Variants in KCNAB1 observed in about 807,000 individuals in gnomAD.
KCNAB1 encodes potassium voltage-gated channel subfamily A regulatory beta subunit 1.
KCNAB1 carries 35 observed loss-of-function variants against 64.6 expected under a neutral mutation model. The observed-to-expected ratio is 0.54, with a 90% CI of 0.41 to 0.72. The LOEUF (loss-of-function observed/expected upper bound fraction) is 0.72. Among genes scored for constraint, KCNAB1 ranks in the 30% least tolerant of loss-of-function variants. The probability of loss-of-function intolerance (pLI) is 0.00; values close to 1 mark genes in which losing one functional copy is unlikely to be tolerated. For missense variants in KCNAB1, 401 were observed against 512.9 expected, an observed-to-expected ratio of 0.78 and a Z score of 2.11; for synonymous variants, 177 against 183.8, an observed-to-expected ratio of 0.96 and a Z score of 0.30.
chr3:156,509,553 G>A (rs1717051939), intron 8 of KCNAB1, among the ~76,000 whole-genome samples: 1 of 152,134 alleles, frequency 6.6e-6, no homozygotes, highest in Admixed American at 6.5e-5. Context: ...TAATATAATA[G>A]AATTTCAGTG....
intron 1 of KCNAB1, among the ~76,000 whole-genome samples, chr3:156,319,642 A>G (rs1438334611): frequency 6.6e-6 from 1 of 152,178 alleles, no homozygotes; most frequent in Non-Finnish European, 1.5e-5. Context: ...GCCCTGTGAA[A>G]AGACACTATT....
At chr3:156,358,266 T>A (rs943723921) in intron 1 of KCNAB1, among the ~76,000 whole-genome samples, 2 of 152,214 alleles carry the variant, frequency 1.3e-5, no homozygotes, top group Admixed American at 1.3e-4. Context: ...GTATCATCCC[T>A]CCACTTGAAA....
intron 1 of KCNAB1, among the ~76,000 whole-genome samples, chr3:156,249,853 T>C (rs1432364028): frequency 6.6e-6 from 1 of 152,164 alleles, no homozygotes; most frequent in African/African-American, 2.4e-5. Context: ...CTCCACACTA[T>C]GGAAAGGGGA....
chr3:156,204,525 T>C (rs962187467), intron 1 of KCNAB1, among the ~76,000 whole-genome samples: 1 of 152,132 alleles, frequency 6.6e-6, no homozygotes, highest in Admixed American at 6.6e-5. Context: ...CTCTATCCAT[T>C]TGAATAGAAA....
intron 11 of KCNAB1, among the ~76,000 whole-genome samples, chr3:156,520,866 A>T (rs768825335): frequency 6.6e-6 from 1 of 152,212 alleles, no homozygotes; most frequent in Admixed American, 6.5e-5. Flanking sequence ...TATTCTAGAC[A>T]GTGTTCAGAA....
chr3:156,444,856 G>C (rs1007558729), intron 2 of KCNAB1, among the ~76,000 whole-genome samples: 2 of 152,210 alleles, frequency 1.3e-5, no homozygotes, highest in Admixed American at 1.3e-4. Context: ...GTGATTGCCA[G>C]GGTGCAGGAG....
chr3:156,139,749 G>A (rs1714599841), intron 1 of KCNAB1, among the ~76,000 whole-genome samples: 1 of 152,004 alleles, frequency 6.6e-6, no homozygotes, highest in Non-Finnish European at 1.5e-5. Flanking sequence ...ATTAAAGCAA[G>A]GAAATTGTTA....
At chr3:156,532,323 C>A (rs1559934277) in intron 13 of KCNAB1, among the ~76,000 whole-genome samples, 1 of 152,048 alleles carries the variant, frequency 6.6e-6, no homozygotes, top group Non-Finnish European at 1.5e-5. Context: ...CTATTGTGAC[C>A]ACCTCCTTTC....
Position 156,401,514 on chromosome 3 carries a change from GTGGCTGTTC to G in KCNAB1, c.276-20097_276-20089del, listed in dbSNP as rs543804460. On this transcript the variant is annotated intron_variant, in intron 1 of 13. Coordinates refer to ENST00000490337, the MANE Select transcript of KCNAB1 (RefSeq NM_172160.3). ...AATAGATGCTTCTTGGTGTTGAAAT[GTGGCTGTTC>G]TGGCCCCTCGATGTCCAAGTTCATT... is the stretch of plus-strand genomic sequence containing the variant. Among the ~76,000 whole-genome samples, 206 of 152,340 alleles carry G rather than the reference GTGGCTGTTC, an allele frequency of 1.4e-3. 1 individual carries two copies. Among genetic ancestry groups the G allele is most frequent in the Non-Finnish European group, 1.6e-3 (111 of 68,022 alleles).
chr3:156,173,212 T>G (rs1199809348), intron 1 of KCNAB1, among the ~76,000 whole-genome samples: 1 of 152,170 alleles, frequency 6.6e-6, no homozygotes, highest in African/African-American at 2.4e-5. Flanking sequence ...GGGTAGAAAT[T>G]GACTCAGCAC....
chr3:156,476,670 T>C (rs1008120213), intron 8 of KCNAB1, among the ~76,000 whole-genome samples: 2 of 152,136 alleles, frequency 1.3e-5, no homozygotes, highest in Admixed American at 1.3e-4. Flanking sequence ...GATTTTGCAA[T>C]TGTGAATTGT....
chr3:156,321,987 C>A (rs996095667), intron 1 of KCNAB1, among the ~76,000 whole-genome samples: 1 of 152,206 alleles, frequency 6.6e-6, no homozygotes, highest in South Asian at 2.1e-4. Context: ...AACTTAACCA[C>A]CTCCAATGTG....
chr3:156,139,584 G>GTTT (rs386398329), intron 1 of KCNAB1, among the ~76,000 whole-genome samples: 3,567 of 55,208 alleles, frequency 0.065, 682 homozygotes, highest in Admixed American at 0.087. Context: ...ATTGTACTGT[G>GTTT]TTTTTTTTTT....
At chr3:156,535,223 A>G (rs1285912767) in intron 13 of KCNAB1, among the ~76,000 whole-genome samples, 1 of 152,190 alleles carries the variant, frequency 6.6e-6, no homozygotes, top group East Asian at 1.9e-4. Context: ...AAGGCTTCTG[A>G]GGATAGCACT....
intron 1 of KCNAB1, among the ~76,000 whole-genome samples, chr3:156,232,039 A>G (rs1185641224): frequency 2.0e-5 from 3 of 152,196 alleles, no homozygotes; most frequent in Non-Finnish European, 4.4e-5. Flanking sequence ...ATTAATAATT[A>G]TATTGTTTTT....
At chr3:156,400,972 CA>C (rs1298276814) in intron 1 of KCNAB1, among the ~76,000 whole-genome samples, 6 of 152,212 alleles carry the variant, frequency 3.9e-5, no homozygotes, top group African/African-American at 1.2e-4. Flanking sequence ...CAGTGATGCC[CA>C]AAGGCTACTC....
intron 1 of KCNAB1, among the ~76,000 whole-genome samples, chr3:156,277,841 C>T (rs190106591): frequency 3.1e-4 from 47 of 152,196 alleles, no homozygotes; most frequent in Non-Finnish European, 4.9e-4. Context: ...CATAGTTGGG[C>T]GTACTAATTT....
intron 1 of KCNAB1, among the ~76,000 whole-genome samples, chr3:156,195,987 T>A (rs1378128593): frequency 6.6e-6 from 1 of 152,194 alleles, no homozygotes; most frequent in Non-Finnish European, 1.5e-5. Context: ...AGGAGTCCAG[T>A]TTCAGTTTTC....
At chr3:156,363,226 A>C (rs1371918978) in intron 1 of KCNAB1, among the ~76,000 whole-genome samples, 1 of 152,246 alleles carries the variant, frequency 6.6e-6, no homozygotes, top group Non-Finnish European at 1.5e-5. Flanking sequence ...CAAATGCCAT[A>C]GTTTGACAAG....
Sources: allele counts gnomAD v4.1 joint callset (sites outside exome capture counted in the v4.1 genomes callset), GRCh38; gene constraint gnomAD v4.1.1; transcripts MANE v1.5; gene names NCBI Gene and HGNC (gene_info 2026-07-23, HGNC 2026-07-21).